Variants in EHD4 observed in about 807,000 individuals in gnomAD.
EHD4 encodes EH domain-containing protein 4.
A neutral mutation model predicts 51.0 loss-of-function variants in EHD4; 37 were observed. That is an observed-to-expected ratio of 0.73 (90% CI 0.56 to 0.95). The LOEUF (loss-of-function observed/expected upper bound fraction) is 0.95. Ranked by LOEUF, EHD4 falls within the 40% of genes least tolerant of loss-of-function variation. The pLI is 0.00. For missense variants in EHD4, 632 were observed against 733.1 expected (o/e 0.86, Z 1.59); for synonymous variants, 297 against 317.3 (o/e 0.94, Z 0.68).
At chr15:41,951,771 C>A (rs1455077206) in intron 2 of EHD4, among the ~76,000 whole-genome samples, 1 of 152,242 alleles carries the variant, frequency 6.6e-6, no homozygotes. Context: ...CCTGAGAGAT[C>A]TGGAGAGTTG....
At chr15:41,932,987 T>C (rs533690888) in intron 3 of EHD4, among the ~76,000 whole-genome samples, 2 of 152,204 alleles carry the variant, frequency 1.3e-5, no homozygotes, top group African/African-American at 4.8e-5. Flanking sequence ...TTAATCATGA[T>C]CCATGTTAAA....
intron 3 of EHD4, among the ~76,000 whole-genome samples, chr15:41,934,638 G>A (rs2067720175): frequency 6.6e-6 from 1 of 152,076 alleles, no homozygotes; most frequent in African/African-American, 2.4e-5. Context: ...CAGCTCCCCA[G>A]GTGATAACTG....
intron 5 of EHD4, among the ~76,000 whole-genome samples, chr15:41,903,060 A>G (rs925807400): frequency 2.0e-5 from 3 of 151,878 alleles, no homozygotes; most frequent in African/African-American, 7.3e-5. Flanking sequence ...GGCTTCAAAG[A>G]TCTGATGAAA....
chr15:41,902,802 T>C (rs974896078), intron 5 of EHD4, among the ~76,000 whole-genome samples: 7 of 144,828 alleles, frequency 4.8e-5, no homozygotes, highest in Non-Finnish European at 9.0e-5. Flanking sequence ...TGTATATATA[T>C]GTATGTGTAT....
chr15:41,969,966 C>T (rs573491584), intron 1 of EHD4, among the ~76,000 whole-genome samples: 1 of 152,264 alleles, frequency 6.6e-6, no homozygotes, highest in South Asian at 2.1e-4. Flanking sequence ...TTCTAGGGCC[C>T]AATCGCTAGA....
chr15:41,958,328 G>A (rs1479701312), intron 1 of EHD4, among the ~76,000 whole-genome samples: 1 of 152,036 alleles, frequency 6.6e-6, no homozygotes, highest in Non-Finnish European at 1.5e-5. Flanking sequence ...TGGATTCCAA[G>A]CAGCTGGGCG....
chr15:41,938,519 T>A (rs1051741216), intron 3 of EHD4, among the ~76,000 whole-genome samples: 2 of 152,198 alleles, frequency 1.3e-5, no homozygotes, highest in Non-Finnish European at 2.9e-5. Flanking sequence ...CCCAGTTCTA[T>A]TCATTGGTTT....
chr15:41,920,530 C>G (rs2067617766), intron 3 of EHD4, among the ~76,000 whole-genome samples: 1 of 152,250 alleles, frequency 6.6e-6, no homozygotes, highest in Non-Finnish European at 1.5e-5. Context: ...CCTGCCTGAC[C>G]CCCATGCTAG....
At position 41,900,059 on chromosome 15, in the gene EHD4, T is replaced by C. The variant is rs1210994881; in HGVS notation, c.*586A>G. The C allele has an allele frequency of 6.5e-6, 1 of 152,762 alleles. No individual in the cohort carries two copies. The highest frequency in any genetic ancestry group is 2.4e-5 in the African/African-American group (1 of 41,450). The allele number at this position is 152,762 out of a possible 1,614,324, so 9.5% of individuals were successfully genotyped here. A position where few individuals can be genotyped will look rare whatever the true frequency, so the allele number is the denominator to read the frequency against. On this transcript the variant is annotated 3_prime_UTR_variant, in exon 6 of 6. Coordinates refer to ENST00000220325, the MANE Select transcript of EHD4 (RefSeq NM_139265.4). The surrounding 1 kb of genome is among the most constrained non-coding windows in gnomAD (Gnocchi z 4.8). Reference sequence around the variant, plus strand: ...TGGAGACTGCAGAATGGATGGCAGATCCACAGTGCATCCCCCTTCCAAACC... The same window carrying C: ...TGGAGACTGCAGAATGGATGGCAGACCCACAGTGCATCCCCCTTCCAAACC...
chr15:41,906,856 G>A (rs2067515717), intron 5 of EHD4, among the ~76,000 whole-genome samples: 1 of 152,076 alleles, frequency 6.6e-6, no homozygotes, highest in Non-Finnish European at 1.5e-5. Flanking sequence ...GCACTTGCTT[G>A]CTCACCCACC....
At chr15:41,901,813 C>G (rs533752494) in intron 5 of EHD4, among the ~76,000 whole-genome samples, 1 of 152,192 alleles carries the variant, frequency 6.6e-6, no homozygotes, top group Non-Finnish European at 1.5e-5. Flanking sequence ...ACAGGAACCC[C>G]GTAGGACCAG....
chr15:41,962,279 T>A (rs1192616263), intron 1 of EHD4, among the ~76,000 whole-genome samples: 1 of 152,124 alleles, frequency 6.6e-6, no homozygotes, highest in Admixed American at 6.5e-5. Context: ...TCTCAAAGAA[T>A]GACAGAAAAT....
chr15:41,900,430 C>T lies in EHD4; in HGVS notation c.*215G>A. 1.7e-6 allele frequency: 1 copy of T among 589,242 alleles called. No homozygotes were observed. The highest frequency in any genetic ancestry group is 3.1e-5 in the Admixed American group (1 of 32,188). The allele number at this position is 589,242 out of a possible 1,614,324, so 36.5% of individuals were successfully genotyped here. A position where few individuals can be genotyped will look rare whatever the true frequency, so the allele number is the denominator to read the frequency against. On this transcript the variant is annotated 3_prime_UTR_variant, in exon 6 of 6. Coordinates refer to ENST00000220325, the MANE Select transcript of EHD4 (RefSeq NM_139265.4). This position sits in a 1 kb window ranked among gnomAD's most constrained non-coding sequence, Gnocchi z 4.8. ...TTCTCAACCCTTCAATCTCCTAATC[C>T]ACCCCCCTACCCCCAATATTTTCAT... is the stretch of plus-strand genomic sequence containing the variant.
At chr15:41,919,162 A>G (rs2067605405) in intron 4 of EHD4, 48 bp downstream of exon 4, 1 of 1,607,364 alleles carries the variant, frequency 6.2e-7, no homozygotes, top group Non-Finnish European at 8.5e-7. Flanking sequence ...GAGAGGAGAC[A>G]GCAGAGTCCC....
At chr15:41,935,244 G>A (rs1301889203) in intron 3 of EHD4, among the ~76,000 whole-genome samples, 1 of 152,138 alleles carries the variant, frequency 6.6e-6, no homozygotes, top group Non-Finnish European at 1.5e-5. Flanking sequence ...TGTGGGACAT[G>A]TCTTTGTTTC....
chr15:41,942,959 A>G, intron 3 of EHD4, 108 bp downstream of exon 3: 1 of 1,095,954 alleles, frequency 9.1e-7, no homozygotes, highest in East Asian at 2.6e-5. Flanking sequence ...GCTGCCCAAC[A>G]GCTGTCCTGG....
intron 3 of EHD4, among the ~76,000 whole-genome samples, chr15:41,920,767 T>TG (rs1042229557): frequency 2.6e-5 from 4 of 152,188 alleles, no homozygotes; most frequent in African/African-American, 9.7e-5. Flanking sequence ...TCAACACAGG[T>TG]AAATCTCCAG....
At chr15:41,943,332 T>C (rs908298724) in intron 2 of EHD4, among the ~76,000 whole-genome samples, 168 bp from the exon 3 acceptor site, 1 of 152,170 alleles carries the variant, frequency 6.6e-6, no homozygotes, top group Non-Finnish European at 1.5e-5. Flanking sequence ...AGTAGGAGCT[T>C]GGAGGAGATT....
At chr15:41,925,585 T>C (rs1163176857) in intron 3 of EHD4, among the ~76,000 whole-genome samples, 1 of 152,226 alleles carries the variant, frequency 6.6e-6, no homozygotes, top group African/African-American at 2.4e-5. Flanking sequence ...ATGCAATTAA[T>C]AGAAATTTCA....
Sources: allele counts gnomAD v4.1 joint callset (sites outside exome capture counted in the v4.1 genomes callset), GRCh38; gene constraint gnomAD v4.1.1; non-coding constraint Gnocchi (gnomAD v3.1); transcripts MANE v1.5; gene names NCBI Gene and HGNC (gene_info 2026-07-23, HGNC 2026-07-21).